CCDC192: variants seen among roughly 807,000 people sequenced by gnomAD.
CCDC192 encodes the protein coiled-coil domain containing 192.
rs970630638 is a variant in CCDC192, at chr5:127,782,459, G to A, written c.223-14644G>A. 5.3e-5 allele frequency among the ~76,000 whole-genome samples: 8 copies of A among 149,970 alleles called. No homozygotes were observed. In the East Asian group the frequency reaches 1.6e-3, roughly 29 times the overall value. On this transcript the variant is annotated intron_variant, in intron 3 of 6. Transcript: ENST00000514853. ...CATCTGGTCCTGGACTTTTTTTTTTGTTGGTAATTTTAAAATTTCCATTTC... is the reference window on the plus strand; with the variant it reads ...CATCTGGTCCTGGACTTTTTTTTTTATTGGTAATTTTAAAATTTCCATTTC...
chr5:127,847,858 T>A (rs1353727528), intron 5 of CCDC192, among the ~76,000 whole-genome samples: 1 of 151,424 alleles, frequency 6.6e-6, no homozygotes, highest in Non-Finnish European at 1.5e-5. Context: ...AATAAATACA[T>A]AAATAAATGC....
At chr5:127,711,372 G>GAAA (rs941895200) in intron 2 of CCDC192, among the ~76,000 whole-genome samples, 12 of 152,004 alleles carry the variant, frequency 7.9e-5, no homozygotes, top group African/African-American at 2.9e-4. Context: ...AGCACTTTTT[G>GAAA]GTTTTTAATT....
chr5:127,733,927 A>G (rs897322223), intron 2 of CCDC192, among the ~76,000 whole-genome samples: 1 of 145,432 alleles, frequency 6.9e-6, no homozygotes, highest in African/African-American at 2.6e-5. Context: ...ATATATATAT[A>G]TATATTTTTT....
intron 6 of CCDC192, among the ~76,000 whole-genome samples, chr5:127,921,778 T>C (rs1016111018): frequency 6.6e-6 from 1 of 152,170 alleles, no homozygotes; most frequent in African/African-American, 2.4e-5. Context: ...AGCTGCCTTC[T>C]CTCTCCATAC....
At chr5:127,939,356 A>G (rs1754301763) in intron 6 of CCDC192, among the ~76,000 whole-genome samples, 2 of 151,986 alleles carry the variant, frequency 1.3e-5, no homozygotes, top group South Asian at 4.2e-4. Context: ...ACCTCAAGTA[A>G]TCCACCTGCT....
intron 5 of CCDC192, among the ~76,000 whole-genome samples, chr5:127,820,382 G>A (rs1162582997): frequency 7.2e-5 from 11 of 152,186 alleles, no homozygotes; most frequent in South Asian, 2.1e-4. Flanking sequence ...AGGAGTTCAC[G>A]ACCAGCCTAA....
intron 5 of CCDC192, among the ~76,000 whole-genome samples, chr5:127,813,139 C>T (rs1248001611): frequency 6.6e-6 from 1 of 152,198 alleles, no homozygotes; most frequent in Non-Finnish European, 1.5e-5. Context: ...TGATGGCACA[C>T]ACCTTTCCAT....
chr5:127,738,463 T>C (rs1399425444), intron 2 of CCDC192, among the ~76,000 whole-genome samples: 1 of 144,796 alleles, frequency 6.9e-6, no homozygotes, highest in African/African-American at 2.6e-5. Context: ...ATTTCCTGAA[T>C]CTGAATGTTG....
intron 3 of CCDC192, among the ~76,000 whole-genome samples, chr5:127,777,105 A>G (rs1342211114): frequency 6.6e-6 from 1 of 152,204 alleles, no homozygotes. Context: ...CTGACAGCTT[A>G]CATCCTGTGC....
chr5:127,936,466 C>T (rs1224037053), intron 6 of CCDC192, among the ~76,000 whole-genome samples: 1 of 152,200 alleles, frequency 6.6e-6, no homozygotes, highest in East Asian at 1.9e-4. Context: ...ACTGCCTCTC[C>T]TCTCACTAAA....
At chr5:127,861,756 A>G (rs1751383627) in intron 5 of CCDC192, among the ~76,000 whole-genome samples, 1 of 152,152 alleles carries the variant, frequency 6.6e-6, no homozygotes, top group South Asian at 2.1e-4. Flanking sequence ...ATTCATGTGT[A>G]TGTAAACCCT....
At chr5:127,923,634 T>G (rs778973466) in intron 6 of CCDC192, among the ~76,000 whole-genome samples, 5 of 152,100 alleles carry the variant, frequency 3.3e-5, no homozygotes, top group African/African-American at 9.7e-5. Flanking sequence ...ACCTCGGCCT[T>G]CCAAAGTGCT....
intron 6 of CCDC192, among the ~76,000 whole-genome samples, chr5:127,940,211 T>G (rs1367863127): frequency 1.3e-5 from 2 of 152,168 alleles, no homozygotes; most frequent in Non-Finnish European, 2.9e-5. Context: ...CTGATAGAAA[T>G]TGATAAAGGA....
chr5:127,931,967 T>C (rs1754041098), intron 6 of CCDC192, among the ~76,000 whole-genome samples: 2 of 151,536 alleles, frequency 1.3e-5, no homozygotes, highest in African/African-American at 4.8e-5. Flanking sequence ...CTGGCCAACA[T>C]GGCGAAACCC....
chr5:127,819,757 A>T (rs188161741), intron 5 of CCDC192, among the ~76,000 whole-genome samples: 48 of 152,284 alleles, frequency 3.2e-4, no homozygotes, highest in African/African-American at 1.1e-3. Context: ...CACGATCCCT[A>T]TAAAACAATT....
Position 127,838,528 on chromosome 5 carries a change from G to A in CCDC192, c.412-37010G>A, listed in dbSNP as rs372834325. On this transcript the variant is annotated intron_variant, in intron 5 of 6. Transcript: ENST00000514853. ...TCTGAAGGTGGAATAGGTACAGAAT[G>A]TCTTTCTCAGGATAGGTGGATGGGT... 24 of 152,296 alleles carry A rather than the reference G, an allele frequency of 1.6e-4. No homozygotes were observed. The East Asian group carries it at 2.1e-3, about 13-fold the overall frequency. The allele number at this position is 152,296 out of a possible 1,614,324, so 9.4% of individuals were successfully genotyped here.
intron 6 of CCDC192, among the ~76,000 whole-genome samples, chr5:127,878,750 T>C (rs1387541653): frequency 8.6e-5 from 13 of 151,412 alleles, no homozygotes; most frequent in Non-Finnish European, 2.9e-5. Context: ...AAGAAAGTCA[T>C]TGGTAGCTTG....
intron 2 of CCDC192, among the ~76,000 whole-genome samples, chr5:127,747,421 A>G (rs899637224): frequency 1.6e-4 from 24 of 152,026 alleles, no homozygotes; most frequent in Non-Finnish European, 2.6e-4. Flanking sequence ...CCATGTCCCT[A>G]CAAAGGACAT....
chr5:127,878,593 T>G (rs1752211957), intron 6 of CCDC192, among the ~76,000 whole-genome samples: 1 of 152,102 alleles, frequency 6.6e-6, no homozygotes, highest in Non-Finnish European at 1.5e-5. Context: ...GAGGCAGAGG[T>G]TGCAGTGAGC....
Sources: allele counts gnomAD v4.1 joint callset (sites outside exome capture counted in the v4.1 genomes callset), GRCh38; gene constraint gnomAD v4.1.1; transcripts MANE v1.5; gene names NCBI Gene and HGNC (gene_info 2026-07-23, HGNC 2026-07-21).